The following NALF1 variants were observed in gnomAD, a reference collection of about 807,000 sequenced individuals.
NALF1 encodes family with sequence similarity 155 member A.
A neutral mutation model predicts 48.4 loss-of-function variants in NALF1; 3 were observed. That is an observed-to-expected ratio of 0.06 (90% CI 0.03 to 0.16). The LOEUF is 0.16. NALF1 is among the 10% of genes least tolerant of loss of function. NALF1 has a pLI of 1.00. For synonymous variants in NALF1, 262 were observed against 245.7 expected, an observed-to-expected ratio of 1.07 and a Z score of -0.62; for missense variants, 526 against 571.5, an observed-to-expected ratio of 0.92 and a Z score of 0.81.
intron 2 of NALF1, among the ~76,000 whole-genome samples, chr13:107,205,113 G>C (rs776322488): frequency 1.3e-5 from 2 of 151,584 alleles, no homozygotes; most frequent in Non-Finnish European, 2.9e-5. Context: ...CCACTAACTC[G>C]TCATCTAGCA....
intron 1 of NALF1, among the ~76,000 whole-genome samples, chr13:107,211,471 T>G (rs1181641827): frequency 6.6e-6 from 1 of 152,250 alleles, no homozygotes; most frequent in African/African-American, 2.4e-5. Context: ...GCTACGTATT[T>G]ATGTAATTTC....
At chr13:107,725,759 T>C (rs147999222) in intron 1 of NALF1, among the ~76,000 whole-genome samples, 7 of 152,020 alleles carry the variant, frequency 4.6e-5, no homozygotes, top group Non-Finnish European at 7.4e-5. Flanking sequence ...TAGAACGTGA[T>C]TGTATTCGGT....
intron 1 of NALF1, among the ~76,000 whole-genome samples, chr13:107,568,650 A>T (rs1290011360): frequency 2.6e-5 from 4 of 152,232 alleles, no homozygotes. Flanking sequence ...TCTAATAGAT[A>T]TGTACTAATT....
chr13:107,235,744 G>A (rs1371716376), intron 1 of NALF1, among the ~76,000 whole-genome samples: 3 of 152,164 alleles, frequency 2.0e-5, no homozygotes, highest in Non-Finnish European at 4.4e-5. Flanking sequence ...GTTTGCCTGT[G>A]TGATTCAAAG....
At chr13:107,617,023 A>C (rs1879398331) in intron 1 of NALF1, among the ~76,000 whole-genome samples, 1 of 152,228 alleles carries the variant, frequency 6.6e-6, no homozygotes, top group African/African-American at 2.4e-5. Context: ...GGTTTATATA[A>C]AATAGTGTTT....
At chr13:107,197,477 A>C (rs1342489481) in intron 2 of NALF1, among the ~76,000 whole-genome samples, 3 of 152,264 alleles carry the variant, frequency 2.0e-5, no homozygotes, top group Admixed American at 6.5e-5. Flanking sequence ...CTATTCTTCA[A>C]ATTTATTTAT....
intron 1 of NALF1, among the ~76,000 whole-genome samples, chr13:107,492,483 A>G (rs942886023): frequency 5.3e-5 from 8 of 152,012 alleles, no homozygotes; most frequent in African/African-American, 1.2e-4. Flanking sequence ...CAGCTTCCTT[A>G]TATTCCTTAC....
chr13:107,265,653 G>A (rs1236081129), intron 1 of NALF1, among the ~76,000 whole-genome samples: 3 of 151,750 alleles, frequency 2.0e-5, no homozygotes, highest in African/African-American at 4.8e-5. Context: ...TGATCCACCC[G>A]TCTTGGCCTC....
chr13:107,427,297 G>A (rs1566337899), intron 1 of NALF1, among the ~76,000 whole-genome samples: 1 of 151,676 alleles, frequency 6.6e-6, no homozygotes, highest in Non-Finnish European at 1.5e-5. Context: ...AAAATACTGT[G>A]CATTTTGTAT....
At chr13:107,492,334 C>T (rs1024824466) in intron 1 of NALF1, among the ~76,000 whole-genome samples, 14 of 151,982 alleles carry the variant, frequency 9.2e-5, no homozygotes, top group Non-Finnish European at 1.5e-4. Flanking sequence ...CAGGCATGAG[C>T]CACTGTGCCC....
At chr13:107,302,498 G>C (rs1424779842) in intron 1 of NALF1, among the ~76,000 whole-genome samples, 1 of 152,046 alleles carries the variant, frequency 6.6e-6, no homozygotes, top group Non-Finnish European at 1.5e-5. Context: ...CTGTGATGCA[G>C]TGGTGGATAA....
chr13:107,302,203 C>T (rs1881850513), intron 1 of NALF1, among the ~76,000 whole-genome samples: 1 of 152,178 alleles, frequency 6.6e-6, no homozygotes, highest in Non-Finnish European at 1.5e-5. Context: ...GGGGACTCTG[C>T]AGAGCCCACA....
chr13:107,445,256 C>A (rs1163366868), intron 1 of NALF1, among the ~76,000 whole-genome samples: 2 of 152,208 alleles, frequency 1.3e-5, no homozygotes, highest in African/African-American at 2.4e-5. Flanking sequence ...TGCCCTCTCT[C>A]CGAAGTCCCT....
chr13:107,209,916 C>T (rs2138803814), intron 2 of NALF1, among the ~76,000 whole-genome samples: 1 of 152,260 alleles, frequency 6.6e-6, no homozygotes, highest in South Asian at 2.1e-4. Context: ...TAAAAAAAGG[C>T]TCTTGCTCTT....
In NALF1 at chr13:107,866,787, ATC is replaced by A. The variant is rs902869787; in HGVS notation, c.-193_-192del. The A allele has an allele frequency of 1.0e-5, 6 of 582,260 alleles. No homozygotes were observed. Among genetic ancestry groups the A allele is most frequent in the African/African-American group, 7.9e-5 (4 of 50,486 alleles). The allele number at this position is 582,260 out of a possible 1,614,324, so 36.1% of individuals were successfully genotyped here. A position where few individuals can be genotyped will look rare whatever the true frequency, so the allele number is the denominator to read the frequency against. ...CTCTCTCTCCCTCTCCCTCTCTTTT[ATC>A]TCTCTCTGTCTCTTTTGCCTACATA... On this transcript the variant is annotated 5_prime_UTR_variant, in exon 1 of 3. Coordinates refer to ENST00000375915, the MANE Select transcript of NALF1 (RefSeq NM_001080396.3). This position sits in a 1 kb window ranked among gnomAD's most constrained non-coding sequence, Gnocchi z 4.4.
At chr13:107,780,858 C>A (rs551928214) in intron 1 of NALF1, among the ~76,000 whole-genome samples, 1 of 152,292 alleles carries the variant, frequency 6.6e-6, no homozygotes, top group Admixed American at 6.5e-5. Context: ...CAACTGACTT[C>A]ATAATCTTTT....
chr13:107,536,714 C>T (rs373873354), intron 1 of NALF1, among the ~76,000 whole-genome samples: 2 of 152,102 alleles, frequency 1.3e-5, no homozygotes, highest in African/African-American at 4.8e-5. Flanking sequence ...TTTGACCCAG[C>T]CATCCCATTA....
At chr13:107,290,933 A>C (rs73584944) in intron 1 of NALF1, among the ~76,000 whole-genome samples, 5,994 of 152,068 alleles carry the variant, frequency 0.039, 422 homozygotes, top group African/African-American at 0.14. Context: ...GATTTGGAAA[A>C]CAGTTATTAA....
At chr13:107,317,475 A>G (rs952676847) in intron 1 of NALF1, among the ~76,000 whole-genome samples, 6 of 152,064 alleles carry the variant, frequency 3.9e-5, no homozygotes, top group Non-Finnish European at 7.4e-5. Context: ...GTTTAAAAAC[A>G]TGTAGAATTC....
Sources: gnomAD v4.1 joint callset for allele counts (sites outside exome capture counted in the v4.1 genomes callset) on GRCh38, gnomAD v4.1.1 for gene constraint, Gnocchi (gnomAD v3.1) non-coding constraint, MANE v1.5 for transcripts, NCBI Gene and HGNC (gene_info 2026-07-23, HGNC 2026-07-21) for gene names.